ENOX1: variants seen among roughly 807,000 people sequenced by gnomAD.
ENOX1 encodes candidate growth-related and time keeping constitutive hydroquinone (NADH) oxidase.
In ENOX1, 42 loss-of-function variants were observed where a neutral mutation model predicts 82.5. That is an observed-to-expected ratio of 0.51 (90% CI 0.40 to 0.66). The LOEUF is 0.66. Among genes scored for constraint, ENOX1 ranks in the 30% least tolerant of loss-of-function variants. ENOX1 has a pLI of 0.00. For synonymous variants in ENOX1, 271 were observed against 282.2 expected, an observed-to-expected ratio of 0.96 and a Z score of 0.40; for missense variants, 608 against 811.6, an observed-to-expected ratio of 0.75 and a Z score of 3.05.
intron 9 of ENOX1, among the ~76,000 whole-genome samples, chr13:43,331,602 C>G (rs1300264487): frequency 6.6e-6 from 1 of 152,142 alleles, no homozygotes; most frequent in Non-Finnish European, 1.5e-5. Flanking sequence ...CTCTCCCACC[C>G]CAGCTTGTTT....
At chr13:43,323,418 A>G (rs563998422) in intron 10 of ENOX1, among the ~76,000 whole-genome samples, 1 of 152,352 alleles carries the variant, frequency 6.6e-6, no homozygotes, top group Non-Finnish European at 1.5e-5. Context: ...GAGGAATAAT[A>G]ATACAAGGCT....
At chr13:43,415,599 G>T (rs2054423213) in intron 3 of ENOX1, among the ~76,000 whole-genome samples, 1 of 152,186 alleles carries the variant, frequency 6.6e-6, no homozygotes, top group Non-Finnish European at 1.5e-5. Flanking sequence ...CAAGGCAGAA[G>T]AATTTTTCTT....
chr13:43,533,894 C>T (rs556112371), intron 2 of ENOX1, among the ~76,000 whole-genome samples: 1 of 152,110 alleles, frequency 6.6e-6, no homozygotes, highest in Non-Finnish European at 1.5e-5. Flanking sequence ...TTTAGTAGGC[C>T]AGGATATCCT....
chr13:43,314,798 C>T (rs11617853), intron 11 of ENOX1, among the ~76,000 whole-genome samples: 13,241 of 152,240 alleles, frequency 0.087, 677 homozygotes, highest in Middle Eastern at 0.14. Context: ...GCCATACTCA[C>T]ATTCAAGGGA....
chr13:43,438,855 T>C (rs1397822747), intron 3 of ENOX1, among the ~76,000 whole-genome samples: 3 of 152,130 alleles, frequency 2.0e-5, no homozygotes, highest in African/African-American at 4.8e-5. Flanking sequence ...GATTCTGATA[T>C]GCATCCAAAT....
chr13:43,493,937 T>C (rs1330348165), intron 2 of ENOX1, among the ~76,000 whole-genome samples: 4 of 152,054 alleles, frequency 2.6e-5, no homozygotes, highest in Non-Finnish European at 5.9e-5. Context: ...CTTACAATCA[T>C]GACAGAAGGT....
At chr13:43,642,951 A>G (rs1005708478) in intron 2 of ENOX1, among the ~76,000 whole-genome samples, 1 of 152,232 alleles carries the variant, frequency 6.6e-6, no homozygotes, top group Non-Finnish European at 1.5e-5. Context: ...AGTCCAATGT[A>G]AGGAAAAATA....
At chr13:43,409,590 G>T (rs2053998007) in intron 5 of ENOX1, among the ~76,000 whole-genome samples, 3 of 152,084 alleles carry the variant, frequency 2.0e-5, no homozygotes, top group Admixed American at 1.3e-4. Flanking sequence ...TGCATGCTCA[G>T]GGAGACTAAG....
chr13:43,273,349 A>C lies in ENOX1; in HGVS notation c.1447-3772T>G, dbSNP rs1246163590. 2.6e-5 allele frequency among the ~76,000 whole-genome samples: 4 copies of C among 152,094 alleles called. 1 individual carries two copies. The highest frequency in any genetic ancestry group is 5.9e-5 in the Non-Finnish European group (4 of 68,034). ...CCCTGCCATTTACCCGACACTCCTG[A>C]GAGAGTTGACTTCCCATGAATTAAA... On this transcript the variant is annotated intron_variant, in intron 12 of 16. Coordinates refer to ENST00000690772, the MANE Select transcript of ENOX1 (RefSeq NM_001347969.2).
At chr13:43,552,614 T>C (rs184426694) in intron 2 of ENOX1, among the ~76,000 whole-genome samples, 67 of 152,290 alleles carry the variant, frequency 4.4e-4, no homozygotes, top group African/African-American at 1.6e-3. Context: ...TGTTCTGAAA[T>C]TGCTGCTGCC....
At chr13:43,694,229 A>G (rs867653864) in intron 1 of ENOX1, among the ~76,000 whole-genome samples, 34 of 280 alleles carry the variant, frequency 0.12, no homozygotes, top group East Asian at 0.5. Flanking sequence ...ACTTAGGGGA[A>G]AAAAAAAAAA....
chr13:43,350,091 T>C (rs963564035), intron 8 of ENOX1, among the ~76,000 whole-genome samples: 1 of 152,216 alleles, frequency 6.6e-6, no homozygotes, highest in Non-Finnish European at 1.5e-5. Flanking sequence ...AGAACATAAA[T>C]TGTGGCAAAC....
intron 2 of ENOX1, among the ~76,000 whole-genome samples, chr13:43,601,608 G>C (rs897032349): frequency 3.3e-5 from 5 of 152,122 alleles, no homozygotes; most frequent in African/African-American, 1.2e-4. Flanking sequence ...GAGGTAGAGA[G>C]AAAGAGAGAT....
chr13:43,552,119 G>A (rs562328431), intron 2 of ENOX1, among the ~76,000 whole-genome samples: 1 of 152,086 alleles, frequency 6.6e-6, no homozygotes, highest in East Asian at 1.9e-4. Context: ...CTCTTTGAGA[G>A]CCCTGACTTA....
intron 5 of ENOX1, among the ~76,000 whole-genome samples, chr13:43,397,482 G>C (rs891015130): frequency 6.6e-6 from 1 of 152,198 alleles, no homozygotes; most frequent in Non-Finnish European, 1.5e-5. Context: ...GGAATAAATG[G>C]CTAGGATGCA....
chr13:43,342,019 G>A (rs772581830), intron 9 of ENOX1, among the ~76,000 whole-genome samples: 7 of 152,122 alleles, frequency 4.6e-5, no homozygotes, highest in Non-Finnish European at 8.8e-5. Context: ...GATGGCAGGC[G>A]AAGCAGCAGC....
At chr13:43,613,262 G>A (rs2082274806) in intron 2 of ENOX1, among the ~76,000 whole-genome samples, 1 of 152,008 alleles carries the variant, frequency 6.6e-6, no homozygotes, top group South Asian at 2.1e-4. Context: ...ATTTATTACA[G>A]TCAAAAACAG....
intron 5 of ENOX1, among the ~76,000 whole-genome samples, chr13:43,380,975 A>G (rs987982282): frequency 2.6e-5 from 4 of 151,834 alleles, no homozygotes; most frequent in African/African-American, 9.7e-5. Context: ...AATTTCAACA[A>G]CCCTCTCTTA....
chr13:43,339,245 G>A (rs1051455702), intron 9 of ENOX1, among the ~76,000 whole-genome samples: 7 of 152,150 alleles, frequency 4.6e-5, no homozygotes, highest in African/African-American at 1.7e-4. Flanking sequence ...AACAACTTTT[G>A]TTAAGCACTG....
Sources: allele counts gnomAD v4.1 joint callset (sites outside exome capture counted in the v4.1 genomes callset), GRCh38; gene constraint gnomAD v4.1.1; transcripts MANE v1.5; gene names NCBI Gene and HGNC (gene_info 2026-07-23, HGNC 2026-07-21).